Variants in LRP1B observed in about 807,000 individuals in gnomAD.
LRP1B encodes LDL receptor related protein 1B.
Under a neutral mutation model 556.6 loss-of-function variants are expected in LRP1B, and 217 were observed. The observed-to-expected ratio is 0.39, with a 90% CI of 0.35 to 0.44. The LOEUF is 0.44. Ranked by LOEUF, LRP1B falls within the 20% of genes least tolerant of loss-of-function variation. The pLI is 1.00. For missense variants in LRP1B, 5,053 were observed against 5,620.8 expected (o/e 0.90, Z 3.23); for synonymous variants, 2,047 against 1,865.8 (o/e 1.10, Z -2.50).
Position 140,686,150 on chromosome 2 carries a change from G to C in LRP1B, c.6799+14100C>G, listed in dbSNP as rs144943717. On this transcript the variant is annotated intron_variant, in intron 41 of 90. Transcript: ENST00000389484. ...CATGTTTTTAAGATAAAAAGGATGTGAGTAGGACTAGAGGACAGGGTGGAT... is the reference window on the plus strand; with the variant it reads ...CATGTTTTTAAGATAAAAAGGATGTCAGTAGGACTAGAGGACAGGGTGGAT... 5.6e-4 allele frequency among the ~76,000 whole-genome samples: 85 copies of C among 152,240 alleles called. 3 individuals are homozygous for C. Among genetic ancestry groups the C allele is most frequent in the African/African-American group, 1.8e-3 (74 of 41,568 alleles).
rs1681069124 is a variant in LRP1B at position 140,335,945 on chromosome 2, G to T, written c.11893-107C>A. 6 of 717,708 alleles carry T rather than the reference G, an allele frequency of 8.4e-6. No individual in the cohort carries two copies. The Admixed American group carries it at 1.0e-4, about 13-fold the overall frequency. 44.5% of individuals were successfully genotyped at this position (717,708 alleles called of 1,614,324 possible). The stretch of plus-strand genomic sequence containing the variant: ...GGGGGAATTGTAAGAACATAGTCAT[G>T]AGTTAATTGCTATATAGATGTCAAA... On this transcript the variant is annotated intron_variant, in intron 77 of 90. Coordinates refer to ENST00000389484, the MANE Select transcript of LRP1B (RefSeq NM_018557.3).
chr2:141,643,050 G>A (rs1480233537), intron 2 of LRP1B, among the ~76,000 whole-genome samples: 4 of 152,090 alleles, frequency 2.6e-5, no homozygotes. Flanking sequence ...ATACTGTTAA[G>A]GGGGACAAAA....
chr2:141,045,881 T>C (rs745715589), intron 11 of LRP1B, among the ~76,000 whole-genome samples: 32 of 152,258 alleles, frequency 2.1e-4, no homozygotes, highest in Middle Eastern at 3.4e-3. Context: ...AGTAAATATC[T>C]CGTCTTTATG....
intron 7 of LRP1B, among the ~76,000 whole-genome samples, chr2:141,123,255 T>A (rs62173720): frequency 0.27 from 39,258 of 143,408 alleles, 5,686 homozygotes; most frequent in East Asian, 0.46. Context: ...AAAAAATAAA[T>A]AAATAAATAA....
chr2:141,407,392 C>T (rs900035780), intron 3 of LRP1B, among the ~76,000 whole-genome samples: 3 of 151,936 alleles, frequency 2.0e-5, no homozygotes, highest in East Asian at 1.9e-4. Flanking sequence ...AAATCAAGAC[C>T]GTTATTCAAA....
intron 7 of LRP1B, among the ~76,000 whole-genome samples, chr2:141,099,527 G>A (rs1337733389): frequency 3.3e-5 from 5 of 152,178 alleles, no homozygotes; most frequent in African/African-American, 1.2e-4. Context: ...GCATGTATGA[G>A]TGCATACACA....
At chr2:140,326,816 T>G (rs747894425) in intron 79 of LRP1B, among the ~76,000 whole-genome samples, 8 of 152,152 alleles carry the variant, frequency 5.3e-5, no homozygotes, top group Non-Finnish European at 1.0e-4. Context: ...CAGGTAGATG[T>G]CAGTGAATGA....
rs1479000220 is a variant in LRP1B, at chr2:141,592,472, T to A, written c.206-111939A>T. The stretch of plus-strand genomic sequence containing the variant: ...CCCATTCATGAAGGCACCACCCTTA[T>A]GACTTTATTATCTCCCTGTGACCCC... On this transcript the variant is annotated intron_variant, in intron 2 of 90. Transcript: ENST00000389484. 2.0e-5 allele frequency among the ~76,000 whole-genome samples: 3 copies of A among 152,290 alleles called. No individual in the cohort carries two copies. In the South Asian group the frequency reaches 6.2e-4, roughly 32 times the overall value.
chr2:141,638,621 T>C (rs558810066), intron 2 of LRP1B, among the ~76,000 whole-genome samples: 1 of 115,376 alleles, frequency 8.7e-6, no homozygotes, highest in Admixed American at 8.6e-5. Context: ...TTGCGTGGTC[T>C]CTTCACACAA....
At position 141,426,048 on chromosome 2, in the gene LRP1B, T is replaced by C. The variant is rs1006012361; in HGVS notation, c.343+54348A>G. Among the ~76,000 whole-genome samples the C allele has an allele frequency of 6.2e-4, 95 of 152,016 alleles. 1 individual carries two copies. The highest frequency in any genetic ancestry group is 1.9e-3 in the African/African-American group (79 of 41,490). Reference sequence around the variant, plus strand: ...AGGTTTTCTTCTAGGGTTTTTATGGTTTTAGGTCTAACGTTTAAGGCTTTA... The same window carrying C: ...AGGTTTTCTTCTAGGGTTTTTATGGCTTTAGGTCTAACGTTTAAGGCTTTA... On this transcript the variant is annotated intron_variant, in intron 3 of 90. Coordinates refer to ENST00000389484, the MANE Select transcript of LRP1B (RefSeq NM_018557.3).
intron 2 of LRP1B, among the ~76,000 whole-genome samples, chr2:141,619,243 T>C (rs564638688): frequency 6.6e-6 from 1 of 152,338 alleles, no homozygotes; most frequent in African/African-American, 2.4e-5. Flanking sequence ...TGAAACACTG[T>C]CCTACCTCTA....
At chr2:141,065,326 A>G (rs1558835891) in intron 7 of LRP1B, among the ~76,000 whole-genome samples, 2 of 151,960 alleles carry the variant, frequency 1.3e-5, no homozygotes, top group African/African-American at 4.8e-5. Flanking sequence ...TAACCACAGT[A>G]TATCTCTCAT....
At position 141,499,721 on chromosome 2, in the gene LRP1B, T is replaced by C. The variant is rs1009575002; in HGVS notation, c.206-19188A>G. Among the ~76,000 whole-genome samples the C allele has an allele frequency of 3.9e-5, 6 of 152,164 alleles. No homozygotes were observed. In the East Asian group the frequency reaches 1.2e-3, roughly 29 times the overall value. On this transcript the variant is annotated intron_variant, in intron 2 of 90. Coordinates refer to ENST00000389484, the MANE Select transcript of LRP1B (RefSeq NM_018557.3). The stretch of plus-strand genomic sequence containing the variant: ...GTATGACATTTTTAAGCTGACATGA[T>C]TGGCAAATAAAAAAGAAAATTAACA...
In LRP1B at chr2:141,289,338, C is replaced by T. The variant is rs375481164; in HGVS notation, c.344-34697G>A. Among the ~76,000 whole-genome samples the T allele has an allele frequency of 6.5e-3, 958 of 146,732 alleles. 13 individuals are homozygous for T. The highest frequency in any genetic ancestry group is 0.041 in the South Asian group (190 of 4,590). ...CGGAGCTTGCAGTGAGCTGAGATCCCGCCACTGCACTCCAGCCTGGGTGAC... is the reference window on the plus strand; with the variant it reads ...CGGAGCTTGCAGTGAGCTGAGATCCTGCCACTGCACTCCAGCCTGGGTGAC... On this transcript the variant is annotated intron_variant, in intron 3 of 90. Coordinates refer to ENST00000389484, the MANE Select transcript of LRP1B (RefSeq NM_018557.3).
intron 2 of LRP1B, among the ~76,000 whole-genome samples, chr2:141,510,812 C>T (rs1240910838): frequency 6.6e-6 from 1 of 151,528 alleles, no homozygotes; most frequent in African/African-American, 2.4e-5. Flanking sequence ...ACCATCCTTA[C>T]ATTATACATT....
At chr2:141,108,742 T>TA (rs1218003635) in intron 7 of LRP1B, among the ~76,000 whole-genome samples, 2 of 152,176 alleles carry the variant, frequency 1.3e-5, no homozygotes, top group Non-Finnish European at 2.9e-5. Context: ...AGAAAAATAC[T>TA]AAAAAAGTCT....
At chr2:141,552,313 A>G (rs1003609273) in intron 2 of LRP1B, among the ~76,000 whole-genome samples, 1 of 152,040 alleles carries the variant, frequency 6.6e-6, no homozygotes, top group African/African-American at 2.4e-5. Context: ...AATTTTTGGA[A>G]CTCAAAGGTC....
At chr2:140,852,252 G>A (rs1213840632) in intron 27 of LRP1B, among the ~76,000 whole-genome samples, 2 of 152,110 alleles carry the variant, frequency 1.3e-5, no homozygotes, top group Non-Finnish European at 2.9e-5. Context: ...ACTTGAACCC[G>A]GGAGGCGGAG....
chr2:140,673,926 A>G (rs1165360295), intron 41 of LRP1B, among the ~76,000 whole-genome samples: 2 of 150,850 alleles, frequency 1.3e-5, no homozygotes, highest in African/African-American at 2.4e-5. Context: ...ACCCCGAAAT[A>G]TATCTCTTTT....
Sources: allele counts gnomAD v4.1 joint callset (sites outside exome capture counted in the v4.1 genomes callset), GRCh38; gene constraint gnomAD v4.1.1; transcripts MANE v1.5; gene names NCBI Gene and HGNC (gene_info 2026-07-23, HGNC 2026-07-21).